NELL1: variants seen among roughly 807,000 people sequenced by gnomAD.
NELL1 encodes the protein protein kinase C-binding protein NELL1.
NELL1 carries 76 observed loss-of-function variants against 107.4 expected under a neutral mutation model. The observed-to-expected ratio is 0.71, with a 90% confidence interval of 0.59 to 0.86. The LOEUF (loss-of-function observed/expected upper bound fraction) is 0.86. NELL1 is among the 40% of genes least tolerant of loss of function. The pLI is 0.00. For missense variants in NELL1, 1,024 were observed against 1,005.5 expected, an observed-to-expected ratio of 1.02 and a Z score of -0.25; for synonymous variants, 353 against 341.2, an observed-to-expected ratio of 1.03 and a Z score of -0.38.
chr11:21,446,489 G>A (rs990389481), intron 15 of NELL1, among the ~76,000 whole-genome samples: 9 of 152,096 alleles, frequency 5.9e-5, no homozygotes, highest in African/African-American at 2.2e-4. Flanking sequence ...TTTTGGGAAG[G>A]CTTTTGAAGT....
At chr11:20,762,605 T>A (rs1053606142) in intron 2 of NELL1, among the ~76,000 whole-genome samples, 1 of 152,100 alleles carries the variant, frequency 6.6e-6, no homozygotes, top group African/African-American at 2.4e-5. Context: ...CTGGTTGGAG[T>A]CTCAGTCACA....
At chr11:21,099,002 C>T (rs1199175699) in intron 12 of NELL1, among the ~76,000 whole-genome samples, 2 of 151,796 alleles carry the variant, frequency 1.3e-5, no homozygotes, top group African/African-American at 2.4e-5. Context: ...TTGTATTTTT[C>T]CAAAAACTCG....
rs201530438 is a variant in NELL1, at chr11:21,306,792, AT to A, written c.1550-64054del. Among the ~76,000 whole-genome samples, 237 of 152,114 alleles carry A rather than the reference AT, an allele frequency of 1.6e-3. 2 individuals carry two copies. In the East Asian group the frequency reaches 0.016, roughly 10 times the overall value. Reference sequence around the variant, plus strand: ...TACACTGTACGTGAAAGAGAAGAATATTTTTTTCCACCTGAGTTTGTGAAAG... The same window carrying A: ...TACACTGTACGTGAAAGAGAAGAATATTTTTTCCACCTGAGTTTGTGAAAG... On this transcript the variant is annotated intron_variant, in intron 14 of 19. Coordinates refer to ENST00000357134, the MANE Select transcript of NELL1 (RefSeq NM_006157.5).
At chr11:21,217,665 A>G (rs1857648731) in intron 13 of NELL1, among the ~76,000 whole-genome samples, 2 of 152,206 alleles carry the variant, frequency 1.3e-5, no homozygotes, top group South Asian at 4.1e-4. Flanking sequence ...TTCTTCATCT[A>G]TAAAATGTTA....
At chr11:21,574,484 A>G (rs1340279263) in intron 19 of NELL1, among the ~76,000 whole-genome samples, 2 of 151,850 alleles carry the variant, frequency 1.3e-5, no homozygotes, top group African/African-American at 2.4e-5. Flanking sequence ...AAGTATTTAT[A>G]TACCTAACTA....
intron 14 of NELL1, among the ~76,000 whole-genome samples, chr11:21,350,306 G>A (rs548269499): frequency 5.9e-5 from 9 of 151,878 alleles, no homozygotes; most frequent in South Asian, 4.2e-4. Context: ...GAAACTAACA[G>A]CACTAGTAAT....
intron 12 of NELL1, among the ~76,000 whole-genome samples, chr11:20,989,758 C>T (rs1459893336): frequency 2.6e-5 from 4 of 151,956 alleles, no homozygotes; most frequent in Non-Finnish European, 5.9e-5. Flanking sequence ...TTTGGGAGGC[C>T]GAGGTGGGTG....
At chr11:20,751,784 C>T (rs1364667372) in intron 2 of NELL1, among the ~76,000 whole-genome samples, 11 of 152,094 alleles carry the variant, frequency 7.2e-5, no homozygotes, top group Admixed American at 7.2e-4. Flanking sequence ...ATCACCATGG[C>T]CAGCTTTTTG....
At chr11:21,511,452 G>A (rs141578163) in intron 15 of NELL1, among the ~76,000 whole-genome samples, 216 of 152,268 alleles carry the variant, frequency 1.4e-3, no homozygotes, top group Non-Finnish European at 2.2e-3. Context: ...CATGATGTTG[G>A]ATGAGAAAGA....
chr11:21,011,289 T>C (rs750980315), intron 12 of NELL1, among the ~76,000 whole-genome samples: 5 of 152,094 alleles, frequency 3.3e-5, no homozygotes, highest in Non-Finnish European at 7.4e-5. Context: ...TTTCTTCCTG[T>C]TACAAGTTGG....
intron 15 of NELL1, among the ~76,000 whole-genome samples, chr11:21,393,757 C>T (rs1851928009): frequency 6.6e-6 from 1 of 151,624 alleles, no homozygotes; most frequent in Non-Finnish European, 1.5e-5. Flanking sequence ...AGCAGTAGAG[C>T]ATGAGGGGAA....
chr11:21,430,675 G>C (rs1189882842), intron 15 of NELL1, among the ~76,000 whole-genome samples: 1 of 152,062 alleles, frequency 6.6e-6, no homozygotes, highest in African/African-American at 2.4e-5. Flanking sequence ...GATTCGCAGG[G>C]TGAGATGGAT....
intron 15 of NELL1, among the ~76,000 whole-genome samples, chr11:21,439,190 C>G (rs1564894177): frequency 1.3e-5 from 2 of 151,950 alleles, no homozygotes; most frequent in South Asian, 2.1e-4. Context: ...CAGAGAAATA[C>G]TAGGACACAG....
chr11:21,246,704 G>A (rs1858501400), intron 14 of NELL1, among the ~76,000 whole-genome samples: 1 of 152,118 alleles, frequency 6.6e-6, no homozygotes. Flanking sequence ...GTATTAGTCT[G>A]TTTTCATGCT....
chr11:20,881,772 G>GGTGTGTCCATGCATGT (rs1849413188), intron 4 of NELL1, among the ~76,000 whole-genome samples: 3 of 151,766 alleles, frequency 2.0e-5, no homozygotes, highest in African/African-American at 7.3e-5. Context: ...TGAATTATAA[G>GGTGTGTCCATGCATGT]GTGTGTCCAT....
intron 15 of NELL1, among the ~76,000 whole-genome samples, chr11:21,503,416 G>A (rs1396452255): frequency 6.6e-6 from 1 of 152,136 alleles, no homozygotes; most frequent in East Asian, 1.9e-4. Flanking sequence ...TAAGCCAAAT[G>A]TGTTTCTCAT....
At chr11:21,075,020 A>G (rs1022871048) in intron 12 of NELL1, among the ~76,000 whole-genome samples, 7 of 152,190 alleles carry the variant, frequency 4.6e-5, no homozygotes, top group African/African-American at 1.7e-4. Context: ...GTTTCATTTG[A>G]CCGACTAGAT....
At chr11:21,032,266 T>C (rs1461097112) in intron 12 of NELL1, among the ~76,000 whole-genome samples, 1 of 152,120 alleles carries the variant, frequency 6.6e-6, no homozygotes, top group African/African-American at 2.4e-5. Flanking sequence ...GCTTTGAAGT[T>C]GTATCCTTTA....
intron 12 of NELL1, among the ~76,000 whole-genome samples, chr11:21,012,066 C>T (rs1286857016): frequency 6.6e-6 from 1 of 152,084 alleles, no homozygotes; most frequent in Admixed American, 6.5e-5. Context: ...CCTGTGTTTT[C>T]TCTGGCTTCC....
Sources: allele counts gnomAD v4.1 joint callset (sites outside exome capture counted in the v4.1 genomes callset), GRCh38; gene constraint gnomAD v4.1.1; transcripts MANE v1.5; gene names NCBI Gene and HGNC (gene_info 2026-07-23, HGNC 2026-07-21).